The following TTC4 variants were observed in gnomAD, a reference collection of about 807,000 sequenced individuals.
The protein encoded by TTC4 is tetratricopeptide repeat domain 4, also known as hsp70/Hsp90 co-chaperone CNS1 homolog.
TTC4 carries 36 observed loss-of-function variants against 51.9 expected under a neutral mutation model. That is an observed-to-expected ratio of 0.69 (90% CI 0.53 to 0.92). The LOEUF is 0.92. TTC4 is among the 40% of genes least tolerant of loss of function. TTC4 has a pLI of 0.00. For missense variants in TTC4, 399 were observed against 454.6 expected, an observed-to-expected ratio of 0.88 and a Z score of 1.11; for synonymous variants, 144 against 164.2, an observed-to-expected ratio of 0.88 and a Z score of 0.94.
chr1:54,734,574 G>A (rs183927404), intron 8 of TTC4, among the ~76,000 whole-genome samples: 1 of 151,896 alleles, frequency 6.6e-6, no homozygotes, highest in African/African-American at 2.4e-5. Flanking sequence ...ATTTTTAGTA[G>A]AGATGGGGTT....
intron 9 of TTC4, among the ~76,000 whole-genome samples, chr1:54,738,689 G>A (rs537158195): frequency 1.1e-3 from 150 of 141,134 alleles, no homozygotes; most frequent in African/African-American, 3.0e-3. Flanking sequence ...ACGACATCTC[G>A]CTCTGTCACC....
Position 54,737,586 on chromosome 1 carries a change from A to G in TTC4, c.983A>G (p.Tyr328Cys). The G allele has an allele frequency of 1.2e-6, 2 of 1,613,758 alleles. No homozygotes were observed. The highest frequency in any genetic ancestry group is 1.7e-6 in the Non-Finnish European group (2 of 1,179,950). Reference protein sequence around the residue: ...QKYCPDNLEVYFEDEDRAELY... With the variant: ...QKYCPDNLEVCFEDEDRAELY... Reference sequence around the variant, plus strand: ...GCCCTTCTGTTAATCTTGCAGGTCTACTTTGAGGATGAGGACAGGGCAGAA... The same window carrying G: ...GCCCTTCTGTTAATCTTGCAGGTCTGCTTTGAGGATGAGGACAGGGCAGAA... Residue 328 changes from tyrosine (Y) to cysteine (C), a missense_variant, in exon 9 of 10, where the codon TAC (tyrosine) becomes TGC (cysteine). Physicochemically the swap from Tyr to Cys is radical, Grantham distance 194. Transcript: ENST00000371281.
Position 54,716,581 on chromosome 1 carries a change from C to A in TTC4, c.112-19C>A. The stretch of plus-strand genomic sequence containing the variant: ...AGTAGAAAAGCTTATTCATGTAGTT[C>A]ATTCTTAACCATTTACAGGAATTTG... On this transcript the variant is annotated intron_variant, in intron 1 of 9. Transcript: ENST00000371281. The A allele has an allele frequency of 6.3e-7, 1 of 1,580,588 alleles. No homozygotes were observed. Among genetic ancestry groups the A allele is most frequent in the East Asian group, 2.2e-5 (1 of 44,612 alleles).
chr1:54,728,069 A>G (rs553027006), intron 5 of TTC4, among the ~76,000 whole-genome samples: 1 of 152,324 alleles, frequency 6.6e-6, no homozygotes, highest in Non-Finnish European at 1.5e-5. Context: ...TCCACCTGTT[A>G]TACTGGCTCT....
At chr1:54,739,655 C>T (rs574701516) in intron 9 of TTC4, among the ~76,000 whole-genome samples, 27 of 152,214 alleles carry the variant, frequency 1.8e-4, no homozygotes, top group Non-Finnish European at 3.1e-4. Flanking sequence ...TCTTGGACTA[C>T]TTTTCCTTAA....
rs1557753078 is a variant in TTC4 at position 54,736,237 on chromosome 1, GAGAAGAGA to G, written c.979-1344_979-1337del. On this transcript the variant is annotated intron_variant, in intron 8 of 9. Coordinates refer to ENST00000371281, the MANE Select transcript of TTC4 (RefSeq NM_004623.5). Reference sequence around the variant, plus strand: ...GAGAGAGAGAGAAGAGGAGAGGAGAGAGAAGAGAGGAGAGAGGAGAGAGAGAGAGAGAG... The same window carrying G: ...GAGAGAGAGAGAAGAGGAGAGGAGAGGGAGAGAGGAGAGAGAGAGAGAGAG... 5.8e-4 allele frequency among the ~76,000 whole-genome samples: 69 copies of G among 119,236 alleles called. 8 individuals are homozygous for G. Among genetic ancestry groups the G allele is most frequent in the African/African-American group, 2.6e-3 (58 of 22,458 alleles). 78.2% of individuals were successfully genotyped at this position (119,236 alleles called of 152,430 possible). A position where few individuals can be genotyped will look rare whatever the true frequency, so the allele number is the denominator to read the frequency against.
Position 54,741,732 on chromosome 1 carries a change from C to G in TTC4, c.*219C>G. 1 of 577,768 alleles carries G rather than the reference C, an allele frequency of 1.7e-6. No individual in the cohort carries two copies. Among genetic ancestry groups the G allele is most frequent in the Non-Finnish European group, 3.1e-6 (1 of 325,272 alleles). 35.8% of individuals were successfully genotyped at this position (577,768 alleles called of 1,614,324 possible). A position where few individuals can be genotyped will look rare whatever the true frequency, so the allele number is the denominator to read the frequency against. ...CCTCAGTTGATATAAAACTCTGGGT[C>G]TTGGCCATGATGTCCTTGGACTCCA... On this transcript the variant is annotated 3_prime_UTR_variant, in exon 10 of 10. Transcript: ENST00000371281.
intron 1 of TTC4, 92 bp downstream of exon 1, chr1:54,716,111 T>A (rs1645672505): frequency 9.9e-7 from 1 of 1,007,682 alleles, no homozygotes; most frequent in Admixed American, 2.4e-5. Context: ...CAATCCCAGA[T>A]CCCTGGCGCT....
At position 54,715,884 on chromosome 1, in the gene TTC4, C is replaced by A; in HGVS notation, c.-25C>A. ...CCGCTCGCTTCACGGCGCTGGGACC[C>A]GGGCTGGAAGGCAGGGCATCAGCTA... On this transcript the variant is annotated 5_prime_UTR_variant, in exon 1 of 10. Coordinates refer to ENST00000371281, the MANE Select transcript of TTC4 (RefSeq NM_004623.5). The A allele has an allele frequency of 6.4e-7, 1 of 1,570,886 alleles. No homozygotes were observed. The highest frequency in any genetic ancestry group is 1.2e-5 in the South Asian group (1 of 86,760).
At chr1:54,733,432 A>AT (rs1158249239) in intron 7 of TTC4, among the ~76,000 whole-genome samples, 197 bp from the exon 8 acceptor site, 6,149 of 147,844 alleles carry the variant, frequency 0.042, 153 homozygotes, top group Non-Finnish European at 0.051. Flanking sequence ...AAAAAAAAAT[A>AT]AAATAAAATA....
chr1:54,740,155 A>G (rs1453920080), intron 9 of TTC4, among the ~76,000 whole-genome samples: 1 of 137,114 alleles, frequency 7.3e-6, no homozygotes, highest in Non-Finnish European at 1.6e-5. Flanking sequence ...AGCCTAGGTG[A>G]GAGTGAGACC....
At chr1:54,719,531 C>A (rs1911230) in intron 3 of TTC4, among the ~76,000 whole-genome samples, 14,035 of 151,936 alleles carry the variant, frequency 0.092, 915 homozygotes, top group South Asian at 0.19. Context: ...TCCTTGGATC[C>A]CTTTCATGTG....
Position 54,741,603 on chromosome 1 carries a change from G to C in TTC4, c.*90G>C. ...CAGCTGGACATACTGCTGGAGTCCA[G>C]TGCTTTCTTTCCGTCACCCTGGGGA... On this transcript the variant is annotated 3_prime_UTR_variant, in exon 10 of 10. Coordinates refer to ENST00000371281, the MANE Select transcript of TTC4 (RefSeq NM_004623.5). 15 of 1,122,782 alleles carry C rather than the reference G, an allele frequency of 1.3e-5. No homozygotes were observed. The South Asian group carries it at 1.9e-4, about 14-fold the overall frequency. 69.6% of individuals were successfully genotyped at this position (1,122,782 alleles called of 1,614,324 possible).
intron 5 of TTC4, among the ~76,000 whole-genome samples, chr1:54,727,019 T>C (rs1236970065): frequency 6.8e-6 from 1 of 148,090 alleles, no homozygotes; most frequent in Non-Finnish European, 1.5e-5. Context: ...CACATAGAAA[T>C]TCAAGGGACT....
intron 5 of TTC4, among the ~76,000 whole-genome samples, chr1:54,727,837 T>G (rs1238152397): frequency 6.6e-6 from 1 of 152,144 alleles, no homozygotes; most frequent in Non-Finnish European, 1.5e-5. Context: ...GGAAAGGATG[T>G]GAATAGACAC....
chr1:54,722,599 G>A, intron 4 of TTC4, 76 bp from the exon 5 acceptor site: 2 of 1,584,538 alleles, frequency 1.3e-6, no homozygotes, highest in East Asian at 2.2e-5. Flanking sequence ...AGTTGGTGGG[G>A]GATGGGAGAT....
At chr1:54,740,547 G>A (rs1270421318) in intron 9 of TTC4, among the ~76,000 whole-genome samples, 1 of 152,128 alleles carries the variant, frequency 6.6e-6, no homozygotes, top group Admixed American at 6.5e-5. Flanking sequence ...AAAGCAGACC[G>A]ATGCTTGGAG....
intron 8 of TTC4, among the ~76,000 whole-genome samples, chr1:54,734,206 G>A (rs1431497627): frequency 2.0e-5 from 3 of 151,890 alleles, no homozygotes; most frequent in Non-Finnish European, 4.4e-5. Context: ...TGAGTAGCTG[G>A]GATTATAGAC....
chr1:54,740,546 C>T (rs558734066), intron 9 of TTC4, among the ~76,000 whole-genome samples: 8 of 152,100 alleles, frequency 5.3e-5, no homozygotes, highest in Non-Finnish European at 8.8e-5. Context: ...GAAAGCAGAC[C>T]GATGCTTGGA....
Sources: allele counts gnomAD v4.1 joint callset (sites outside exome capture counted in the v4.1 genomes callset), GRCh38; gene constraint gnomAD v4.1.1; transcripts MANE v1.5; gene names NCBI Gene and HGNC (gene_info 2026-07-23, HGNC 2026-07-21).